Variants in GPR158 observed in about 807,000 individuals in gnomAD.
GPR158 encodes the protein metabotropic glycine receptor.
A neutral mutation model predicts 78.2 loss-of-function variants in GPR158; 30 were observed. That is an observed-to-expected ratio of 0.38 (90% CI 0.29 to 0.52). The LOEUF (loss-of-function observed/expected upper bound fraction) is 0.52, where lower values mean the gene tolerates loss of function less well. GPR158 is among the 20% of genes least tolerant of loss of function. The pLI is 0.83. For missense variants in GPR158, 1,463 were observed against 1,523.5 expected (o/e 0.96, Z 0.66); for synonymous variants, 581 against 591.1 (o/e 0.98, Z 0.25).
intron 4 of GPR158, among the ~76,000 whole-genome samples, chr10:25,435,585 A>T (rs1834987954): frequency 6.6e-6 from 1 of 152,162 alleles, no homozygotes; most frequent in South Asian, 2.1e-4. Flanking sequence ...GAGTTTGGAG[A>T]GGTCGTCAGG....
intron 2 of GPR158, among the ~76,000 whole-genome samples, chr10:25,356,337 G>A (rs1473413209): frequency 6.6e-6 from 1 of 152,032 alleles, no homozygotes; most frequent in Non-Finnish European, 1.5e-5. Context: ...GGGCATTGGG[G>A]AGTGAAGCTA....
At chr10:25,199,304 C>T (rs896764734) in intron 1 of GPR158, among the ~76,000 whole-genome samples, 1 of 152,032 alleles carries the variant, frequency 6.6e-6, no homozygotes, top group Non-Finnish European at 1.5e-5. Context: ...TTTCATTCCT[C>T]TCCCTTCTAC....
At chr10:25,312,483 A>G (rs1372925333) in intron 2 of GPR158, among the ~76,000 whole-genome samples, 2 of 152,128 alleles carry the variant, frequency 1.3e-5, no homozygotes, top group Admixed American at 1.3e-4. Flanking sequence ...TCCGTGAAGT[A>G]GAGTTCATTT....
chr10:25,284,158 A>G (rs1265071620), intron 2 of GPR158, among the ~76,000 whole-genome samples: 1 of 152,032 alleles, frequency 6.6e-6, no homozygotes, highest in Non-Finnish European at 1.5e-5. Context: ...CAGGGCTTTT[A>G]TAGTCTTACT....
chr10:25,243,397 T>C (rs1853650769), intron 2 of GPR158, among the ~76,000 whole-genome samples: 1 of 152,226 alleles, frequency 6.6e-6, no homozygotes, highest in African/African-American at 2.4e-5. Flanking sequence ...TGCTTATAAA[T>C]TACTGCATAT....
chr10:25,285,636 C>A (rs74714658), intron 2 of GPR158, among the ~76,000 whole-genome samples: 43 of 152,220 alleles, frequency 2.8e-4, no homozygotes, highest in African/African-American at 1.0e-3. Context: ...CCTCTGGATC[C>A]CTGGTGGATT....
chr10:25,510,780 G>C (rs995634575), intron 5 of GPR158, among the ~76,000 whole-genome samples: 1 of 152,130 alleles, frequency 6.6e-6, no homozygotes, highest in Non-Finnish European at 1.5e-5. Context: ...TCCCACTTAT[G>C]TGTAAGAACA....
intron 5 of GPR158, among the ~76,000 whole-genome samples, chr10:25,548,930 G>T (rs975351755): frequency 6.6e-6 from 1 of 152,142 alleles, no homozygotes; most frequent in East Asian, 1.9e-4. Flanking sequence ...AAGTTTGAAG[G>T]TATATCAGTA....
rs544076410 is a variant in GPR158, at chr10:25,287,934, G to A, written c.1008+66777G>A. Among the ~76,000 whole-genome samples the A allele has an allele frequency of 6.3e-4, 96 of 152,174 alleles. 3 individuals are homozygous for A. The South Asian group carries it at 0.019, about 30-fold the overall frequency. On this transcript the variant is annotated intron_variant, in intron 2 of 10. Coordinates refer to ENST00000376351, the MANE Select transcript of GPR158 (RefSeq NM_020752.3). ...GAATATGAAAATGTAGAATATATATGCATGGAATACATCTGCAAATCACCA... is the reference window on the plus strand; with the variant it reads ...GAATATGAAAATGTAGAATATATATACATGGAATACATCTGCAAATCACCA...
At chr10:25,501,970 A>G (rs1835950338) in intron 5 of GPR158, among the ~76,000 whole-genome samples, 1 of 152,016 alleles carries the variant, frequency 6.6e-6, no homozygotes, top group African/African-American at 2.4e-5. Flanking sequence ...GTCTCTCCCT[A>G]CATACACCAT....
intron 7 of GPR158, among the ~76,000 whole-genome samples, chr10:25,580,779 G>A (rs1341169568): frequency 6.6e-6 from 1 of 152,074 alleles, no homozygotes; most frequent in Non-Finnish European, 1.5e-5. Flanking sequence ...CGGCTGGAGT[G>A]CAGTTGTGTG....
intron 5 of GPR158, among the ~76,000 whole-genome samples, chr10:25,496,550 T>C (rs1835883257): frequency 6.6e-6 from 1 of 152,332 alleles, no homozygotes; most frequent in Middle Eastern, 3.4e-3. Context: ...TCCTTGGTGC[T>C]TTTCCAATTA....
At chr10:25,585,424 A>T (rs1837254333) in intron 7 of GPR158, among the ~76,000 whole-genome samples, 1 of 152,220 alleles carries the variant, frequency 6.6e-6, no homozygotes, top group Non-Finnish European at 1.5e-5. Flanking sequence ...GTGTCAACTA[A>T]CAAGACCCCA....
chr10:25,284,851 A>G (rs1854325495), intron 2 of GPR158, among the ~76,000 whole-genome samples: 1 of 152,140 alleles, frequency 6.6e-6, no homozygotes, highest in African/African-American at 2.4e-5. Context: ...TTAAAATAAT[A>G]TACTGTTTCA....
intron 2 of GPR158, among the ~76,000 whole-genome samples, chr10:25,362,315 T>C (rs1011036567): frequency 6.6e-6 from 1 of 151,966 alleles, no homozygotes; most frequent in Non-Finnish European, 1.5e-5. Flanking sequence ...TTGGCTTACA[T>C]GTCTGTCTTT....
chr10:25,352,533 GACTTTTGCTGATTGGTT>G (rs72424940), intron 2 of GPR158, among the ~76,000 whole-genome samples: 12,269 of 151,816 alleles, frequency 0.081, 1,201 homozygotes, highest in African/African-American at 0.24. Flanking sequence ...AGGCAGAGAT[GACTTTTGCTGATTGGTT>G]ACTTTTGCTG....
intron 2 of GPR158, among the ~76,000 whole-genome samples, chr10:25,307,098 C>T (rs1275632553): frequency 6.6e-6 from 1 of 151,852 alleles, no homozygotes; most frequent in Non-Finnish European, 1.5e-5. Context: ...TTCTGATGAT[C>T]TCACCTACCA....
At chr10:25,429,108 A>T (rs1834861055) in intron 4 of GPR158, among the ~76,000 whole-genome samples, 1 of 152,058 alleles carries the variant, frequency 6.6e-6, no homozygotes, top group African/African-American at 2.4e-5. Context: ...ATATCTGTCC[A>T]AGATATATTG....
chr10:25,361,271 CTTTT>C (rs1855635266), intron 2 of GPR158, among the ~76,000 whole-genome samples: 1 of 151,732 alleles, frequency 6.6e-6, no homozygotes, highest in African/African-American at 2.4e-5. Flanking sequence ...GGATTTCCTT[CTTTT>C]TTAAGTCTGA....
Sources: gnomAD v4.1 joint callset for allele counts (sites outside exome capture counted in the v4.1 genomes callset) on GRCh38, gnomAD v4.1.1 for gene constraint, MANE v1.5 for transcripts, NCBI Gene and HGNC (gene_info 2026-07-23, HGNC 2026-07-21) for gene names.